PCCB: variants seen among roughly 807,000 people sequenced by gnomAD.
PCCB encodes propionyl-CoA carboxylase subunit beta.
PCCB carries 43 observed loss-of-function variants against 60.7 expected under a neutral mutation model. That is an observed-to-expected ratio of 0.71 (90% confidence interval 0.55 to 0.91). The LOEUF is 0.91. Among genes scored for constraint, PCCB ranks in the 40% least tolerant of loss-of-function variants. PCCB has a pLI of 0.00. For synonymous variants in PCCB, 276 were observed against 255.9 expected, an observed-to-expected ratio of 1.08 and a Z score of -0.75; for missense variants, 766 against 702.8, an observed-to-expected ratio of 1.09 and a Z score of -1.02.
intron 5 of PCCB, among the ~76,000 whole-genome samples, chr3:136,272,666 T>G (rs748938803): frequency 3.3e-5 from 5 of 152,204 alleles, no homozygotes; most frequent in Non-Finnish European, 7.3e-5. Context: ...TGAGTGATCT[T>G]TTGTATTTCT....
At position 136,250,421 on chromosome 3, in the gene PCCB, G is replaced by T. The variant is rs780842004; in HGVS notation, c.46G>T (p.Val16Phe). ...GGCGGCGGTCGGGGCAAGGCTCAGC[G>T]TTCTGGCGAGCGGTCTCCGCGCCGC... ...RVAAVGARLS[V>F]LASGLRAAVR... is the part of the protein sequence containing the mutation. The change falls in exon 1 of 15, where the codon GTT (valine) becomes TTT (phenylalanine). Residue 16 changes from valine to phenylalanine, a missense_variant. By Grantham distance (50) the Val-to-Phe change is conservative (BLOSUM62 -1). Coordinates refer to ENST00000251654, the MANE Select transcript of PCCB (RefSeq NM_000532.5). 69 of 1,587,810 alleles carry T rather than the reference G, an allele frequency of 4.3e-5. No homozygotes were observed. The highest frequency in any genetic ancestry group is 5.3e-5 in the Non-Finnish European group (62 of 1,167,130).
rs1414158839 is a variant in PCCB, at chr3:136,283,818, T to C, written c.544-19T>C. 6.6e-7 allele frequency: 1 copy of C among 1,506,644 alleles called. No individual in the cohort carries two copies. The highest frequency in any genetic ancestry group is 2.3e-5 in the East Asian group (1 of 44,342). 93.3% of individuals were successfully genotyped at this position (1,506,644 alleles called of 1,614,324 possible). A position where few individuals can be genotyped will look rare whatever the true frequency, so the allele number is the denominator to read the frequency against. On this transcript the variant is annotated intron_variant, in intron 5 of 14. Coordinates refer to ENST00000251654, the MANE Select transcript of PCCB (RefSeq NM_000532.5). ...AAACATCTCTGTAACCAGATGCTTT[T>C]GCTTTTCTGTTTTGGCAGAGGAATG... is the stretch of plus-strand genomic sequence containing the variant.
intron 8 of PCCB, 67 bp from the exon 9 acceptor site, chr3:136,300,963 C>A: frequency 8.4e-7 from 1 of 1,195,222 alleles, no homozygotes; most frequent in Non-Finnish European, 1.3e-6. Flanking sequence ...TCCTTTCCCA[C>A]CCCATTCCCA....
chr3:136,264,704 T>C (rs1941934370), intron 5 of PCCB, among the ~76,000 whole-genome samples: 1 of 147,768 alleles, frequency 6.8e-6, no homozygotes, highest in Non-Finnish European at 1.5e-5. Context: ...AAACCCCATC[T>C]CTACTAAAAA....
intron 7 of PCCB, among the ~76,000 whole-genome samples, chr3:136,296,978 A>G (rs962381088): frequency 6.6e-6 from 1 of 152,240 alleles, no homozygotes; most frequent in Admixed American, 6.5e-5. Flanking sequence ...GACAATAAAC[A>G]TTGTAAATAA....
chr3:136,326,575 A>C (rs1935317953), intron 10 of PCCB, among the ~76,000 whole-genome samples: 1 of 152,192 alleles, frequency 6.6e-6, no homozygotes. Flanking sequence ...GTCTGTAGTG[A>C]GTCTGTAGTA....
intron 6 of PCCB, among the ~76,000 whole-genome samples, chr3:136,288,875 T>C (rs1241556761): frequency 1.3e-5 from 2 of 152,204 alleles, no homozygotes; most frequent in African/African-American, 4.8e-5. Context: ...CGATCTCGGC[T>C]CACTGCATCC....
At chr3:136,326,314 G>A (rs1388653680) in intron 10 of PCCB, 2 of 702,560 alleles carry the variant, frequency 2.8e-6, no homozygotes, top group East Asian at 5.4e-5. Flanking sequence ...CCTACTCTGT[G>A]CTGCTTTATA....
chr3:136,278,380 C>T (rs1321263660), intron 5 of PCCB, among the ~76,000 whole-genome samples: 1 of 152,056 alleles, frequency 6.6e-6, no homozygotes, highest in Non-Finnish European at 1.5e-5. Flanking sequence ...CTGTTAAGTT[C>T]CTGCGTGGCT....
chr3:136,329,290 A>G (rs965677423), intron 14 of PCCB, among the ~76,000 whole-genome samples: 1 of 152,184 alleles, frequency 6.6e-6, no homozygotes, highest in Admixed American at 6.5e-5. Flanking sequence ...TTGACAGTCC[A>G]AAATGGCGTC....
intron 5 of PCCB, among the ~76,000 whole-genome samples, chr3:136,275,548 G>C (rs375939034): frequency 9.2e-5 from 14 of 152,046 alleles, no homozygotes; most frequent in African/African-American, 2.9e-4. Context: ...TTTCTCGTTT[G>C]TGTAGAGTAT....
intron 6 of PCCB, among the ~76,000 whole-genome samples, chr3:136,287,098 A>G (rs887134972): frequency 2.0e-5 from 3 of 151,776 alleles, no homozygotes; most frequent in African/African-American, 7.2e-5. Context: ...CCCTGTCATC[A>G]TGATCCTTTC....
At chr3:136,267,199 T>G (rs774372704) in intron 5 of PCCB, among the ~76,000 whole-genome samples, 19 of 152,128 alleles carry the variant, frequency 1.2e-4, no homozygotes, top group Non-Finnish European at 2.2e-4. Context: ...TTTATTTTAT[T>G]TTTTAGAGAC....
At position 136,304,732 on chromosome 3, in the gene PCCB, G is replaced by A. The variant is rs761105398; in HGVS notation, c.966+3621G>A. 1.8e-4 allele frequency among the ~76,000 whole-genome samples: 20 copies of A among 110,666 alleles called. 5 individuals are homozygous for A. The highest frequency in any genetic ancestry group is 1.4e-4 in the Non-Finnish European group (7 of 50,106). The allele number at this position is 110,666 out of a possible 152,430, so 72.6% of individuals were successfully genotyped here. On this transcript the variant is annotated intron_variant, in intron 9 of 14. Transcript: ENST00000251654. ...TTTTGAGATGGAGTCTCACTCTGTCGCCAGGCTGGAGTGCAGTGGCACAAT... is the reference window on the plus strand; with the variant it reads ...TTTTGAGATGGAGTCTCACTCTGTCACCAGGCTGGAGTGCAGTGGCACAAT...
rs76374812 is a variant in PCCB, at chr3:136,315,969, C to G, written c.967-972C>G. Among the ~76,000 whole-genome samples the G allele has an allele frequency of 9.9e-4, 151 of 152,192 alleles. 7 individuals are homozygous for G. The East Asian group carries it at 0.027, about 27-fold the overall frequency. On this transcript the variant is annotated intron_variant, in intron 9 of 14. Transcript: ENST00000251654. ...GCACAGTGGCTCACGCCTGTAATCA[C>G]AGCATGTTGGAGGCCAAGGTGGGAG...
Position 136,250,514 on chromosome 3 carries a change from C to G in PCCB, c.139C>G (p.Leu47Val), listed in dbSNP as rs199935380. 5.0e-6 allele frequency: 8 copies of G among 1,612,930 alleles called. No individual in the cohort carries two copies. Among genetic ancestry groups the G allele is most frequent in the Non-Finnish European group, 5.1e-6 (6 of 1,179,752 alleles). The change falls in exon 1 of 15, where the codon CTG (leucine) becomes GTG (valine). Residue 47 changes from leucine to valine, a missense_variant. Coordinates refer to ENST00000251654, the MANE Select transcript of PCCB (RefSeq NM_000532.5). The part of the protein sequence containing the change: ...ERIENKRRTA[L>V]LGGGQRRIDA... ...CATCGAAAACAAGCGCCGGACCGCGCTGCTGGGAGGGGGCCAACGCCGTAT... is the reference window on the plus strand; with the variant it reads ...CATCGAAAACAAGCGCCGGACCGCGGTGCTGGGAGGGGGCCAACGCCGTAT...
At chr3:136,271,438 T>G (rs952990634) in intron 5 of PCCB, among the ~76,000 whole-genome samples, 1 of 152,206 alleles carries the variant, frequency 6.6e-6, no homozygotes, top group South Asian at 2.1e-4. Context: ...ATCTGTAGAT[T>G]GCTTTGGGCC....
At chr3:136,279,888 G>A (rs1483157824) in intron 5 of PCCB, among the ~76,000 whole-genome samples, 1 of 152,004 alleles carries the variant, frequency 6.6e-6, no homozygotes, top group Non-Finnish European at 1.5e-5. Context: ...GGATGGTCTC[G>A]ATCTCCTGAC....
intron 5 of PCCB, among the ~76,000 whole-genome samples, chr3:136,268,249 C>T (rs1942089828): frequency 6.6e-6 from 1 of 150,708 alleles, no homozygotes; most frequent in African/African-American, 2.4e-5. Context: ...AGTCTAACAT[C>T]ACTCTTGTCT....
Sources: allele counts gnomAD v4.1 joint callset (sites outside exome capture counted in the v4.1 genomes callset), GRCh38; gene constraint gnomAD v4.1.1; transcripts MANE v1.5; gene names NCBI Gene and HGNC (gene_info 2026-07-23, HGNC 2026-07-21).